OSBPL6: variants seen among roughly 807,000 people sequenced by gnomAD.
The protein encoded by OSBPL6 is oxysterol-binding protein-related protein 6.
Under a neutral mutation model 125.8 loss-of-function variants are expected in OSBPL6, and 49 were observed. That is an observed-to-expected ratio of 0.39 (90% confidence interval 0.31 to 0.49). OSBPL6 has a LOEUF of 0.49. OSBPL6 is among the 20% of genes least tolerant of loss of function. The pLI is 0.88. For missense variants in OSBPL6, 986 were observed against 1,135.4 expected (o/e 0.87, Z 1.89); for synonymous variants, 394 against 391.8 (o/e 1.01, Z -0.07).
chr2:178,394,032 T>C (rs962871058), intron 23 of OSBPL6, among the ~76,000 whole-genome samples: 1 of 152,188 alleles, frequency 6.6e-6, no homozygotes, highest in Admixed American at 6.5e-5. Flanking sequence ...CTAGACAGCA[T>C]AGAAAAGTCT....
intron 1 of OSBPL6, among the ~76,000 whole-genome samples, chr2:178,273,735 A>AT: frequency 6.6e-6 from 1 of 152,266 alleles, no homozygotes; most frequent in South Asian, 2.1e-4. Context: ...TGAAAATAGC[A>AT]TTTTTTGGCT....
intron 22 of OSBPL6, 124 bp from the exon 23 acceptor site, chr2:178,392,288 T>G: frequency 8.6e-7 from 1 of 1,163,122 alleles, no homozygotes; most frequent in Non-Finnish European, 1.2e-6. Context: ...TGAAAAAATC[T>G]ATAATCTTGT....
chr2:178,219,393 G>A (rs2090243027), intron 1 of OSBPL6, among the ~76,000 whole-genome samples: 1 of 152,164 alleles, frequency 6.6e-6, no homozygotes. Flanking sequence ...AGATCCCAAG[G>A]TGAATTTCAA....
At position 178,372,130 on chromosome 2, in the gene OSBPL6, T is replaced by C; in HGVS notation, c.1292T>C (p.Leu431Pro). The C allele has an allele frequency of 6.2e-7, 1 of 1,611,096 alleles. No homozygotes were observed. The highest frequency in any genetic ancestry group is 8.5e-7 in the Non-Finnish European group (1 of 1,178,488). ...ARLRQSLSQA[L>P]NQNAELRSRL... is the part of the protein sequence containing the mutation. ...TGTGGTTTTTGTTATTTTAAGGCAC[T>C]CAACCAGAATGCTGAACTAAGGAGT... The change falls in exon 14 of 25, where the codon CTC becomes CCC. Residue 431 changes from leucine (L) to proline (P), a missense_variant. Leu to Pro is a moderately conservative substitution (Grantham distance 98, BLOSUM62 -3). Around this residue, in one of 3 missense-constraint regions of OSBPL6, gnomAD observed 843 missense variants for 997.3 expected, o/e 0.85. Coordinates refer to ENST00000190611, the MANE Select transcript of OSBPL6 (RefSeq NM_032523.4).
rs55992481 is a variant in OSBPL6 at position 178,312,401 on chromosome 2, G to A, written c.102+6115G>A. ...CTTGAACTCCTGACCTCTGGTGATC[G>A]CCTGCCTCGGCCTCCCAAAGTGCTG... On this transcript the variant is annotated intron_variant, in intron 3 of 24. Transcript: ENST00000190611. Among the ~76,000 whole-genome samples, 2,278 of 150,890 alleles carry A rather than the reference G, an allele frequency of 0.015. 98 individuals are homozygous for A. The East Asian group carries it at 0.18, about 12-fold the overall frequency.
chr2:178,252,667 G>A (rs979217826), intron 1 of OSBPL6, among the ~76,000 whole-genome samples: 23 of 152,136 alleles, frequency 1.5e-4, no homozygotes, highest in African/African-American at 5.6e-4. Context: ...TAGCTTACTT[G>A]AGGCCACTAG....
At chr2:178,357,198 A>C (rs1304402672) in intron 12 of OSBPL6, among the ~76,000 whole-genome samples, 1 of 152,238 alleles carries the variant, frequency 6.6e-6, no homozygotes, top group Non-Finnish European at 1.5e-5. Flanking sequence ...CATGACTAAA[A>C]CACTAAAAGC....
At chr2:178,335,239 T>C in intron 8 of OSBPL6, among the ~76,000 whole-genome samples, 1 of 152,088 alleles carries the variant, frequency 6.6e-6, no homozygotes, top group East Asian at 1.9e-4. Context: ...TATATTATTT[T>C]CATCCCTTAT....
intron 1 of OSBPL6, among the ~76,000 whole-genome samples, chr2:178,275,724 GA>G (rs2092456056): frequency 1.0e-5 from 1 of 99,670 alleles, no homozygotes. Flanking sequence ...GCCAAACGGA[GA>G]AAAAAAAGAG....
At position 178,204,474 on chromosome 2, in the gene OSBPL6, C is replaced by T. The variant is rs370195548; in HGVS notation, c.-351+9800C>T. On this transcript the variant is annotated intron_variant, in intron 1 of 24. Coordinates refer to ENST00000190611, the MANE Select transcript of OSBPL6 (RefSeq NM_032523.4). ...GCCTGGGTTCCCCCTCCCTGTGCCACTGCTGGAAACTCACTCAAGGTAGTA... is the reference window on the plus strand; with the variant it reads ...GCCTGGGTTCCCCCTCCCTGTGCCATTGCTGGAAACTCACTCAAGGTAGTA... Among the ~76,000 whole-genome samples, 33 of 152,324 alleles carry T rather than the reference C, an allele frequency of 2.2e-4. No homozygotes were observed. In the East Asian group the frequency reaches 6.0e-3, roughly 28 times the overall value.
intron 3 of OSBPL6, among the ~76,000 whole-genome samples, chr2:178,316,371 A>G (rs1211653414): frequency 6.6e-6 from 1 of 152,248 alleles, no homozygotes; most frequent in African/African-American, 2.4e-5. Flanking sequence ...AATGTTTATC[A>G]AAGTATTTTT....
In OSBPL6 at chr2:178,306,158, GC is replaced by G; in HGVS notation, c.-26del. 7.1e-7 allele frequency: 1 copy of G among 1,405,456 alleles called. No individual in the cohort carries two copies. Among genetic ancestry groups the G allele is most frequent in the South Asian group, 1.2e-5 (1 of 86,726 alleles). 87.1% of individuals were successfully genotyped at this position (1,405,456 alleles called of 1,614,324 possible). ...AGAGAAGATTGGGATGGTCTTAAGT[GC>G]ATAAAACGAGACTCTAACTGCAGCG... On this transcript the variant is annotated 5_prime_UTR_variant, in exon 3 of 25. It introduces an in-frame stop codon into an upstream open reading frame of the 5' UTR. Coordinates refer to ENST00000190611, the MANE Select transcript of OSBPL6 (RefSeq NM_032523.4).
intron 1 of OSBPL6, among the ~76,000 whole-genome samples, chr2:178,242,784 A>G (rs1024393996): frequency 6.6e-6 from 1 of 152,158 alleles, no homozygotes; most frequent in African/African-American, 2.4e-5. Context: ...AGTTTTTATC[A>G]AAGAAATGGT....
At chr2:178,248,295 A>G (rs994936161) in intron 1 of OSBPL6, among the ~76,000 whole-genome samples, 1 of 152,202 alleles carries the variant, frequency 6.6e-6, no homozygotes, top group Non-Finnish European at 1.5e-5. Flanking sequence ...AGGGAAGTGA[A>G]GGTGCTCTAA....
At chr2:178,256,895 A>G (rs948528025) in intron 1 of OSBPL6, among the ~76,000 whole-genome samples, 2 of 152,214 alleles carry the variant, frequency 1.3e-5, no homozygotes, top group Non-Finnish European at 2.9e-5. Context: ...CCAGAACATT[A>G]CAGCAGAATT....
At chr2:178,260,357 C>CTATATG (rs71393412) in intron 1 of OSBPL6, among the ~76,000 whole-genome samples, 30,147 of 151,310 alleles carry the variant, frequency 0.2, 3,027 homozygotes, top group South Asian at 0.27. Context: ...GACTTCCAAG[C>CTATATG]TATATGTATA....
At chr2:178,247,695 T>C (rs2091544289) in intron 1 of OSBPL6, among the ~76,000 whole-genome samples, 2 of 152,248 alleles carry the variant, frequency 1.3e-5, no homozygotes, top group South Asian at 4.1e-4. Context: ...TTTCCCTACT[T>C]GTAGCTGGTC....
At chr2:178,350,858 G>A (rs1477707589) in intron 12 of OSBPL6, among the ~76,000 whole-genome samples, 2 of 152,106 alleles carry the variant, frequency 1.3e-5, no homozygotes, top group Non-Finnish European at 2.9e-5. Context: ...ATGGTACTTT[G>A]GAAGGCAGCC....
intron 12 of OSBPL6, among the ~76,000 whole-genome samples, chr2:178,360,395 G>A (rs1692238725): frequency 6.6e-6 from 1 of 152,104 alleles, no homozygotes; most frequent in Non-Finnish European, 1.5e-5. Context: ...AAATGGATAA[G>A]ACGATGGATA....
Sources: allele counts gnomAD v4.1 joint callset (sites outside exome capture counted in the v4.1 genomes callset), GRCh38; gene constraint gnomAD v4.1.1; regional missense constraint gnomAD v4.1.1; transcripts MANE v1.5; gene names NCBI Gene and HGNC (gene_info 2026-07-23, HGNC 2026-07-21).